DGKH: variants seen among roughly 807,000 people sequenced by gnomAD.
DGKH encodes diacylglycerol kinase eta, also known as DAG kinase eta.
Under a neutral mutation model 159.3 loss-of-function variants are expected in DGKH, and 90 were observed. The observed-to-expected ratio is 0.57, with a 90% CI of 0.48 to 0.67. DGKH has a LOEUF of 0.67. Ranked by LOEUF, DGKH falls within the 30% of genes least tolerant of loss-of-function variation. The pLI, the probability that DGKH is intolerant of heterozygous loss-of-function variation, is 0.00. For synonymous variants in DGKH, 536 were observed against 553.8 expected (o/e 0.97, Z 0.45); for missense variants, 1,181 against 1,506.1 (o/e 0.78, Z 3.57).
chr13:42,148,667 C>G (rs563667053), intron 3 of DGKH, among the ~76,000 whole-genome samples: 10 of 152,284 alleles, frequency 6.6e-5, no homozygotes, highest in Non-Finnish European at 1.2e-4. Flanking sequence ...TAACCGTGCT[C>G]TGTCACTTTT....
intron 3 of DGKH, among the ~76,000 whole-genome samples, chr13:42,134,282 A>AG (rs962151151): frequency 6.6e-6 from 1 of 152,162 alleles, no homozygotes; most frequent in Non-Finnish European, 1.5e-5. Flanking sequence ...CCAGGCTTCA[A>AG]GGGGGGCCAC....
downstream of DGKH, among the ~76,000 whole-genome samples, chr13:42,244,701 G>A (rs1958563522): frequency 6.6e-6 from 1 of 151,720 alleles, no homozygotes; most frequent in Non-Finnish European, 1.5e-5. Context: ...TCAGGAGATC[G>A]AGACCATCCT....
chr13:42,250,291 A>G (rs1036891011), intron 29 of DGKH, among the ~76,000 whole-genome samples: 5 of 152,168 alleles, frequency 3.3e-5, no homozygotes, highest in African/African-American at 1.2e-4. Context: ...ATTTAAAAAA[A>G]AAAAAGTTTA....
intron 2 of DGKH, among the ~76,000 whole-genome samples, chr13:42,128,592 C>G (rs1168625288): frequency 6.6e-6 from 1 of 151,852 alleles, no homozygotes; most frequent in Non-Finnish European, 1.5e-5. Context: ...TGACAAAGTT[C>G]CCTGTTTTCT....
At chr13:42,186,075 C>G (rs1231485648) in intron 13 of DGKH, among the ~76,000 whole-genome samples, 1 of 150,348 alleles carries the variant, frequency 6.7e-6, no homozygotes, top group East Asian at 1.9e-4. Flanking sequence ...TTGAATTGCT[C>G]AAGTTCATAA....
chr13:42,207,528 A>G (rs1566193278), intron 21 of DGKH, among the ~76,000 whole-genome samples: 2 of 151,424 alleles, frequency 1.3e-5, no homozygotes, highest in African/African-American at 4.9e-5. Context: ...GTGTGTATAT[A>G]TTTTTTATTT....
intron 3 of DGKH, among the ~76,000 whole-genome samples, chr13:42,131,735 TC>T (rs1231507151): frequency 6.6e-6 from 1 of 152,146 alleles, no homozygotes; most frequent in Admixed American, 6.5e-5. Flanking sequence ...AATGAATTGA[TC>T]CAGGGTTGGT....
intron 1 of DGKH, among the ~76,000 whole-genome samples, chr13:42,062,714 T>C (rs1882271312): frequency 6.6e-6 from 1 of 152,232 alleles, no homozygotes; most frequent in South Asian, 2.1e-4. Flanking sequence ...CAACTTTGTG[T>C]GACAGTAGTT....
Position 42,162,343 on chromosome 13 carries a change from T to A in DGKH, c.855+2207T>A, listed in dbSNP as rs1384282532. On this transcript the variant is annotated intron_variant, in intron 7 of 29. Transcript: ENST00000337343. The stretch of plus-strand genomic sequence containing the variant: ...TTGACCAACATGGTGGAACCCCATC[T>A]GTACTAAAAATACAAAAAAATTAGC... Among the ~76,000 whole-genome samples, 37 of 152,188 alleles carry A rather than the reference T, an allele frequency of 2.4e-4. 1 individual carries two copies. The highest frequency in any genetic ancestry group is 2.4e-3 in the Admixed American group (37 of 15,264).
At chr13:42,204,361 G>T (rs1287334956) in intron 20 of DGKH, among the ~76,000 whole-genome samples, 1 of 152,150 alleles carries the variant, frequency 6.6e-6, no homozygotes, top group Non-Finnish European at 1.5e-5. Context: ...ACCCCCAGGT[G>T]CATGGACCTT....
chr13:42,155,532 T>C, intron 4 of DGKH, 135 bp from the exon 5 acceptor site: 1 of 1,539,898 alleles, frequency 6.5e-7, no homozygotes, highest in Non-Finnish European at 8.9e-7. Context: ...GAAATTCTTA[T>C]CTTAAAGCAA....
chr13:42,138,458 G>A (rs945203722), intron 3 of DGKH, among the ~76,000 whole-genome samples: 3 of 152,192 alleles, frequency 2.0e-5, no homozygotes, highest in Non-Finnish European at 2.9e-5. Context: ...GGCTAACACA[G>A]TGCCTGGCAC....
chr13:42,054,894 G>T (rs992639588), intron 1 of DGKH, among the ~76,000 whole-genome samples: 1 of 151,456 alleles, frequency 6.6e-6, no homozygotes. Flanking sequence ...TAAAGAAAAA[G>T]AAAAAAAATT....
intron 1 of DGKH, among the ~76,000 whole-genome samples, chr13:42,053,588 CTATA>C (rs1243714327): frequency 2.7e-5 from 2 of 74,176 alleles, no homozygotes; most frequent in Non-Finnish European, 5.2e-5. Context: ...ATATATATAA[CTATA>C]TATATGTATA....
chr13:42,197,182 G>A (rs748176471), intron 17 of DGKH, among the ~76,000 whole-genome samples: 3 of 150,160 alleles, frequency 2.0e-5, no homozygotes, highest in Non-Finnish European at 1.5e-5. Context: ...GCCGGGAGGC[G>A]GAGGTTGCAG....
chr13:42,169,610 G>GAAT (rs1395943880), intron 11 of DGKH, among the ~76,000 whole-genome samples: 1 of 152,146 alleles, frequency 6.6e-6, no homozygotes, highest in Non-Finnish European at 1.5e-5. Flanking sequence ...AATTTTGATA[G>GAAT]AATTAGCCAT....
At chr13:42,155,024 T>A (rs1260097417) in intron 3 of DGKH, among the ~76,000 whole-genome samples, 1 of 152,196 alleles carries the variant, frequency 6.6e-6, no homozygotes, top group Non-Finnish European at 1.5e-5. Context: ...TAAGATGTAT[T>A]TCGTGGAATA....
At chr13:42,219,472 G>A (rs1957909029) in intron 27 of DGKH, 123 bp downstream of exon 27, 2 of 1,418,194 alleles carry the variant, frequency 1.4e-6, no homozygotes, top group African/African-American at 1.4e-5. Context: ...CAAATGTTCT[G>A]TTCTTGAACA....
intron 17 of DGKH, chr13:42,196,098 A>G (rs1957197689): frequency 6.6e-6 from 1 of 152,222 alleles, no homozygotes; most frequent in Non-Finnish European, 1.5e-5. Context: ...AACCATAATG[A>G]GGTGCCCCTT....
Sources: allele counts gnomAD v4.1 joint callset (sites outside exome capture counted in the v4.1 genomes callset), GRCh38; gene constraint gnomAD v4.1.1; transcripts MANE v1.5; gene names NCBI Gene and HGNC (gene_info 2026-07-23, HGNC 2026-07-21).